Variants in TTLL11 observed in about 807,000 individuals in gnomAD.
The protein encoded by TTLL11 is tubulin tyrosine ligase like 11.
In TTLL11, 42 loss-of-function variants were observed where a neutral mutation model predicts 51.7. The ratio of observed to expected loss-of-function variants is 0.81; its 90% CI spans 0.64 to 1.05. The LOEUF (loss-of-function observed/expected upper bound fraction) is 1.05. Ranked by LOEUF, TTLL11 falls within the 50% of genes least tolerant of loss-of-function variation. The pLI, the probability that TTLL11 is intolerant of heterozygous loss-of-function variation, is 0.00. For missense variants in TTLL11, 799 were observed against 940.4 expected (o/e 0.85, Z 1.97); for synonymous variants, 381 against 383.5 (o/e 0.99, Z 0.08).
intron 1 of TTLL11, among the ~76,000 whole-genome samples, chr9:122,077,683 T>G (rs1377974863): frequency 6.6e-6 from 1 of 152,020 alleles, no homozygotes; most frequent in African/African-American, 2.4e-5. Flanking sequence ...AAATCAGGGC[T>G]ACAAAATTTA....
intron 1 of TTLL11, among the ~76,000 whole-genome samples, chr9:122,040,814 C>T (rs1844827257): frequency 6.6e-6 from 1 of 152,240 alleles, no homozygotes; most frequent in South Asian, 2.1e-4. Flanking sequence ...TTAACAACTT[C>T]CATCTATAAT....
At chr9:121,903,284 C>T (rs571720054) in intron 6 of TTLL11, among the ~76,000 whole-genome samples, 230 of 152,294 alleles carry the variant, frequency 1.5e-3, no homozygotes, top group African/African-American at 5.2e-3. Flanking sequence ...GCCCGAGTCC[C>T]ACTCTTTCCA....
chr9:121,931,657 C>T lies in TTLL11; in HGVS notation c.1481+42352G>A, dbSNP rs73662531. The stretch of plus-strand genomic sequence containing the variant: ...CCCCATTTCAGATGGAACTAAAATG[C>T]CCATGAACTATTTAAATGCCTTAAT... On this transcript the variant is annotated intron_variant, in intron 6 of 8. Transcript: ENST00000321582. 3.6e-3 allele frequency among the ~76,000 whole-genome samples: 547 copies of T among 151,044 alleles called. 5 individuals are homozygous for T. Among genetic ancestry groups the T allele is most frequent in the African/African-American group, 0.013 (518 of 41,184 alleles).
intron 6 of TTLL11, among the ~76,000 whole-genome samples, chr9:121,917,012 A>G (rs1484519028): frequency 3.3e-5 from 5 of 152,200 alleles, no homozygotes; most frequent in African/African-American, 1.2e-4. Context: ...CACATGCTTC[A>G]GAAGAGGCTG....
intron 1 of TTLL11, among the ~76,000 whole-genome samples, chr9:122,080,121 G>GC (rs1244047816): frequency 6.6e-6 from 1 of 152,164 alleles, no homozygotes; most frequent in African/African-American, 2.4e-5. Flanking sequence ...ATATCAAAAT[G>GC]CCCCACTTTG....
intron 3 of TTLL11, among the ~76,000 whole-genome samples, chr9:122,023,210 AG>A (rs1402001444): frequency 6.6e-6 from 1 of 152,036 alleles, no homozygotes; most frequent in African/African-American, 2.4e-5. Flanking sequence ...TAGAAAAAGT[AG>A]ACAAATTTCT....
At chr9:121,858,427 G>A (rs140467635) in intron 8 of TTLL11, among the ~76,000 whole-genome samples, 2 of 152,326 alleles carry the variant, frequency 1.3e-5, no homozygotes, top group East Asian at 1.9e-4. Context: ...TCTACCTCTA[G>A]GAGAATTCTA....
chr9:122,038,127 T>C (rs1468069372), intron 2 of TTLL11, among the ~76,000 whole-genome samples: 1 of 152,130 alleles, frequency 6.6e-6, no homozygotes, highest in South Asian at 2.1e-4. Context: ...GGAGGAAATA[T>C]AGAAATATTC....
intron 3 of TTLL11, among the ~76,000 whole-genome samples, chr9:122,016,734 C>T (rs946964596): frequency 6.6e-6 from 1 of 152,078 alleles, no homozygotes; most frequent in African/African-American, 2.4e-5. Context: ...CAAGAAACTG[C>T]AAAACATTAT....
intron 6 of TTLL11, among the ~76,000 whole-genome samples, chr9:121,878,981 A>G (rs1027830897): frequency 6.6e-6 from 1 of 152,126 alleles, no homozygotes; most frequent in South Asian, 2.1e-4. Context: ...CAGCTCTGCC[A>G]CTCACAAGCT....
At chr9:121,826,452 C>CAT (rs1175519051) in intron 8 of TTLL11, among the ~76,000 whole-genome samples, 1 of 66,950 alleles carries the variant, frequency 1.5e-5, no homozygotes. Flanking sequence ...TGGGTAAAAC[C>CAT]ATATATATAT....
At position 122,022,667 on chromosome 9, in the gene TTLL11, GA is replaced by G. The variant is rs568816679; in HGVS notation, c.693+9055del. Among the ~76,000 whole-genome samples, 78 of 151,902 alleles carry G rather than the reference GA, an allele frequency of 5.1e-4. No individual in the cohort carries two copies. The Middle Eastern group carries it at 0.01, about 20-fold the overall frequency. The stretch of plus-strand genomic sequence containing the variant: ...TTTACACAAAAGAAAAATGATACCT[GA>G]CAGAAATGTGAATCTACACAAAAAA... On this transcript the variant is annotated intron_variant, in intron 3 of 8. Coordinates refer to ENST00000321582, the MANE Select transcript of TTLL11 (RefSeq NM_001139442.2).
rs114927210 is a variant in TTLL11, at chr9:122,073,598, G to A, written c.462+19089C>T. ...GAAAGTGAGATTTAAGCTGAGACCT[G>A]AAGACAGGGGAAGTTGTAGGCAGGC... is the stretch of plus-strand genomic sequence containing the variant. On this transcript the variant is annotated intron_variant, in intron 1 of 8. Coordinates refer to ENST00000321582, the MANE Select transcript of TTLL11 (RefSeq NM_001139442.2). 4.3e-3 allele frequency among the ~76,000 whole-genome samples: 662 copies of A among 152,260 alleles called. 3 individuals carry two copies. Among genetic ancestry groups the A allele is most frequent in the African/African-American group, 0.015 (619 of 41,542 alleles).
intron 6 of TTLL11, among the ~76,000 whole-genome samples, chr9:121,951,866 G>A (rs1018264194): frequency 2.0e-5 from 3 of 152,120 alleles, no homozygotes; most frequent in Non-Finnish European, 4.4e-5. Flanking sequence ...CTAAACAAAG[G>A]GTAGATTATT....
chr9:121,904,503 G>A (rs570098322), intron 6 of TTLL11, among the ~76,000 whole-genome samples: 1 of 152,296 alleles, frequency 6.6e-6, no homozygotes, highest in East Asian at 1.9e-4. Flanking sequence ...TTAATGTGTG[G>A]CCCATCTGGA....
intron 7 of TTLL11, among the ~76,000 whole-genome samples, chr9:121,866,581 A>G (rs2131390322): frequency 6.6e-6 from 1 of 150,998 alleles, no homozygotes; most frequent in South Asian, 2.1e-4. Context: ...AATTACTTGA[A>G]CCTGGGAGGT....
At chr9:121,963,920 G>A (rs988866390) in intron 6 of TTLL11, among the ~76,000 whole-genome samples, 1 of 152,008 alleles carries the variant, frequency 6.6e-6, no homozygotes, top group African/African-American at 2.4e-5. Context: ...CAAGGTATGG[G>A]GAACGCAATG....
chr9:121,914,742 C>T (rs1431511047), intron 6 of TTLL11, among the ~76,000 whole-genome samples: 2 of 152,164 alleles, frequency 1.3e-5, no homozygotes. Context: ...TGCCCCATTT[C>T]CCCTGCACAC....
intron 1 of TTLL11, among the ~76,000 whole-genome samples, chr9:122,055,158 G>A (rs1218766910): frequency 6.6e-6 from 1 of 151,948 alleles, no homozygotes; most frequent in African/African-American, 2.4e-5. Flanking sequence ...CAAAGCTGAA[G>A]GGGGGATGTG....
Sources: gnomAD v4.1 joint callset for allele counts (sites outside exome capture counted in the v4.1 genomes callset) on GRCh38, gnomAD v4.1.1 for gene constraint, MANE v1.5 for transcripts, NCBI Gene and HGNC (gene_info 2026-07-23, HGNC 2026-07-21) for gene names.